The following MYO3A variants were observed in gnomAD, a reference collection of about 807,000 sequenced individuals.
MYO3A encodes myosin-IIIa.
Under a neutral mutation model 192.7 loss-of-function variants are expected in MYO3A, and 180 were observed. That is an observed-to-expected ratio of 0.93 (90% confidence interval 0.83 to 1.06). The LOEUF (loss-of-function observed/expected upper bound fraction) is 1.06, where lower values mean the gene tolerates loss of function less well. MYO3A is among the 50% of genes least tolerant of loss of function. MYO3A has a pLI of 0.00. For missense variants in MYO3A, 1,896 were observed against 1,905.0 expected (o/e 1.00, Z 0.09); for synonymous variants, 628 against 645.3 (o/e 0.97, Z 0.41).
intron 14 of MYO3A, among the ~76,000 whole-genome samples, chr10:26,082,089 A>G (rs1224184061): frequency 6.6e-6 from 1 of 152,166 alleles, no homozygotes; most frequent in South Asian, 2.1e-4. Context: ...ATCTGCCATG[A>G]TGATTGACCC....
intron 6 of MYO3A, among the ~76,000 whole-genome samples, chr10:25,999,943 C>T (rs1021768116): frequency 6.6e-6 from 1 of 152,248 alleles, no homozygotes; most frequent in South Asian, 2.1e-4. Context: ...CTGCTCCTGC[C>T]CTAGTTCTAG....
At chr10:25,989,684 C>A (rs1839890410) in intron 4 of MYO3A, among the ~76,000 whole-genome samples, 1 of 152,076 alleles carries the variant, frequency 6.6e-6, no homozygotes, top group Non-Finnish European at 1.5e-5. Flanking sequence ...TATTATTAAT[C>A]CAAAATGTAC....
At chr10:26,010,035 A>C (rs1841522430) in intron 6 of MYO3A, among the ~76,000 whole-genome samples, 1 of 152,214 alleles carries the variant, frequency 6.6e-6, no homozygotes, top group Admixed American at 6.5e-5. Flanking sequence ...ATAGTCATCC[A>C]GGATTGAATG....
intron 20 of MYO3A, among the ~76,000 whole-genome samples, chr10:26,129,872 CA>C (rs1390950865): frequency 6.6e-6 from 1 of 152,116 alleles, no homozygotes; most frequent in Non-Finnish European, 1.5e-5. Context: ...AACCAGAGAC[CA>C]AAACAAGTAA....
At chr10:25,969,603 C>G (rs1838489589) in intron 4 of MYO3A, among the ~76,000 whole-genome samples, 1 of 151,764 alleles carries the variant, frequency 6.6e-6, no homozygotes, top group Non-Finnish European at 1.5e-5. Flanking sequence ...TAGTGGAGTA[C>G]AAAATGGAAT....
intron 17 of MYO3A, among the ~76,000 whole-genome samples, chr10:26,104,185 T>C (rs1401669436): frequency 6.6e-6 from 1 of 152,128 alleles, no homozygotes; most frequent in Admixed American, 6.5e-5. Context: ...GCACAGAAGT[T>C]TTTAAATTGT....
chr10:25,989,769 T>C (rs1839896495), intron 4 of MYO3A, among the ~76,000 whole-genome samples: 1 of 152,176 alleles, frequency 6.6e-6, no homozygotes, highest in African/African-American at 2.4e-5. Context: ...ATTCAGTTTT[T>C]CAATTTGCTT....
intron 6 of MYO3A, among the ~76,000 whole-genome samples, chr10:26,012,949 A>G (rs1346047936): frequency 6.6e-6 from 1 of 152,222 alleles, no homozygotes; most frequent in Non-Finnish European, 1.5e-5. Flanking sequence ...GGAACAGAAT[A>G]GAGAACCCAG....
At chr10:26,050,609 G>T (rs535330128) in intron 10 of MYO3A, among the ~76,000 whole-genome samples, 2 of 152,286 alleles carry the variant, frequency 1.3e-5, no homozygotes, top group Admixed American at 6.5e-5. Context: ...TGCAGATGGA[G>T]AATAACCATC....
Position 26,212,104 on chromosome 10 carries a change from G to T in MYO3A, c.*141G>T. Reference sequence around the variant, plus strand: ...CCGCAGAGGCTGCCTGCTGCGCTCGGCCCTCAAGTGCCCGGGCCGGCCTTC... The same window carrying T: ...CCGCAGAGGCTGCCTGCTGCGCTCGTCCCTCAAGTGCCCGGGCCGGCCTTC... On this transcript the variant is annotated 3_prime_UTR_variant, in exon 35 of 35. Transcript: ENST00000642920. 1 of 1,251,440 alleles carries T rather than the reference G, an allele frequency of 8.0e-7. No individual in the cohort carries two copies. Among genetic ancestry groups the T allele is most frequent in the Non-Finnish European group, 1.1e-6 (1 of 932,648 alleles). The allele number at this position is 1,251,440 out of a possible 1,614,324, so 77.5% of individuals were successfully genotyped here.
chr10:25,964,079 T>G (rs573004469), intron 4 of MYO3A, among the ~76,000 whole-genome samples: 6 of 152,262 alleles, frequency 3.9e-5, no homozygotes, highest in African/African-American at 1.4e-4. Flanking sequence ...ATAGATTTAT[T>G]GTTGATTACA....
intron 20 of MYO3A, among the ~76,000 whole-genome samples, chr10:26,142,065 T>C (rs1840195483): frequency 6.6e-6 from 1 of 152,196 alleles, no homozygotes; most frequent in Non-Finnish European, 1.5e-5. Flanking sequence ...TTATTTCAAA[T>C]TATATTTGAA....
At chr10:25,962,779 C>T (rs1287728935) in intron 4 of MYO3A, among the ~76,000 whole-genome samples, 1 of 152,010 alleles carries the variant, frequency 6.6e-6, no homozygotes, top group Non-Finnish European at 1.5e-5. Flanking sequence ...AACCGGGAGA[C>T]CGTAAAACAG....
intron 10 of MYO3A, among the ~76,000 whole-genome samples, chr10:26,033,505 G>A (rs953035992): frequency 6.6e-6 from 1 of 151,906 alleles, no homozygotes; most frequent in Non-Finnish European, 1.5e-5. Flanking sequence ...AATGTCTTAC[G>A]ATCCCACTCA....
At chr10:26,104,062 A>G (rs1370664215) in intron 17 of MYO3A, among the ~76,000 whole-genome samples, 1 of 151,854 alleles carries the variant, frequency 6.6e-6, no homozygotes, top group Non-Finnish European at 1.5e-5. Flanking sequence ...ATTGAGTTGT[A>G]GAAATTTTTT....
chr10:25,960,568 T>G (rs1211311895), intron 4 of MYO3A, among the ~76,000 whole-genome samples: 1 of 152,158 alleles, frequency 6.6e-6, no homozygotes, highest in African/African-American at 2.4e-5. Flanking sequence ...ACTGTATTCT[T>G]ACAATAAAAT....
rs567938410 is a variant in MYO3A, at chr10:26,011,467, A to G, written c.509-5353A>G. Among the ~76,000 whole-genome samples, 9 of 152,224 alleles carry G rather than the reference A, an allele frequency of 5.9e-5. No individual in the cohort carries two copies. The South Asian group carries it at 6.2e-4, about 11-fold the overall frequency. On this transcript the variant is annotated intron_variant, in intron 6 of 34. Transcript: ENST00000642920. The stretch of plus-strand genomic sequence containing the variant: ...TTAAAAAAAAAGAAAATTATGATTT[A>G]TATACTTAGTTTACATTATTTAAAA...
At chr10:25,940,835 CTT>C (rs1208573473) in intron 2 of MYO3A, among the ~76,000 whole-genome samples, 1 of 152,112 alleles carries the variant, frequency 6.6e-6, no homozygotes, top group Non-Finnish European at 1.5e-5. Context: ...ATCTGGTTGA[CTT>C]TAAGAACTTC....
At chr10:26,175,544 GC>G (rs1362559590) in intron 30 of MYO3A, among the ~76,000 whole-genome samples, 19 of 152,106 alleles carry the variant, frequency 1.2e-4, no homozygotes, top group African/African-American at 4.6e-4. Flanking sequence ...TTTGACAGTG[GC>G]TGAGCCTATG....
Sources: gnomAD v4.1 joint callset for allele counts (sites outside exome capture counted in the v4.1 genomes callset) on GRCh38, gnomAD v4.1.1 for gene constraint, MANE v1.5 for transcripts, NCBI Gene and HGNC (gene_info 2026-07-23, HGNC 2026-07-21) for gene names.